PHC3: variants seen among roughly 807,000 people sequenced by gnomAD.
PHC3 encodes polyhomeotic-like protein 3.
A neutral mutation model predicts 107.4 loss-of-function variants in PHC3; 13 were observed. The observed-to-expected ratio is 0.12, with a 90% CI of 0.08 to 0.19. The LOEUF (loss-of-function observed/expected upper bound fraction) is 0.19. Among genes scored for constraint, PHC3 ranks in the 10% least tolerant of loss-of-function variants. The pLI is 1.00. For synonymous variants in PHC3, 456 were observed against 427.4 expected (o/e 1.07, Z -0.83); for missense variants, 992 against 1,210.9 (o/e 0.82, Z 2.68).
chr3:170,114,156 T>G (rs544150459), intron 10 of PHC3, among the ~76,000 whole-genome samples: 1 of 152,268 alleles, frequency 6.6e-6, no homozygotes, highest in African/African-American at 2.4e-5. Flanking sequence ...ATTACGGGCA[T>G]GTGCCACCGC....
rs534311753 is a variant in PHC3 at position 170,099,295 on chromosome 3, C to CACTA, written c.2834-1912_2834-1911insTAGT. ...GAACAAAAAGTGTTTTGGGAATTAG[C>CACTA]ACGATCAAATAGGAATGCATTTTAG... On this transcript the variant is annotated intron_variant, in intron 14 of 14. Coordinates refer to ENST00000495893, the MANE Select transcript of PHC3 (RefSeq NM_024947.4). Among the ~76,000 whole-genome samples, 34 of 152,120 alleles carry CACTA rather than the reference C, an allele frequency of 2.2e-4. No homozygotes were observed. In the South Asian group the frequency reaches 6.6e-3, roughly 30 times the overall value.
rs558996794 is a variant in PHC3 at position 170,112,397 on chromosome 3, T to A, written c.2353+963A>T. 9.0e-4 allele frequency among the ~76,000 whole-genome samples: 132 copies of A among 147,110 alleles called. 1 individual carries two copies. The highest frequency in any genetic ancestry group is 1.7e-3 in the African/African-American group (66 of 39,814). On this transcript the variant is annotated intron_variant, in intron 11 of 14. Transcript: ENST00000495893. ...AGCTAATTTATATATATATATATAT[T>A]TTTTTTTAGTAGAGATGGGGTTTCA...
chr3:170,164,683 T>C (rs1392540190), intron 4 of PHC3, among the ~76,000 whole-genome samples: 2 of 152,164 alleles, frequency 1.3e-5, no homozygotes, highest in Admixed American at 1.3e-4. Flanking sequence ...TAATGAATTC[T>C]CTGGATTTTC....
At chr3:170,139,188 T>G (rs1463517659) in intron 6 of PHC3, among the ~76,000 whole-genome samples, 1 of 152,200 alleles carries the variant, frequency 6.6e-6, no homozygotes, top group Non-Finnish European at 1.5e-5. Flanking sequence ...TTCATTTTTA[T>G]ACTCCCTGCA....
chr3:170,106,560 T>C (rs1716561728), intron 12 of PHC3, among the ~76,000 whole-genome samples: 1 of 152,150 alleles, frequency 6.6e-6, no homozygotes, highest in African/African-American at 2.4e-5. Context: ...CATCAGGAGA[T>C]TACTACTTTA....
chr3:170,169,254 T>A (rs993493407), intron 4 of PHC3, among the ~76,000 whole-genome samples: 2 of 152,124 alleles, frequency 1.3e-5, no homozygotes, highest in African/African-American at 4.8e-5. Flanking sequence ...CTGACAGCTG[T>A]TTTTTCTTCT....
Position 170,097,536 on chromosome 3 carries a change from C to T in PHC3, c.2834-152G>A, listed in dbSNP as rs1319411064. Among the ~76,000 whole-genome samples, 1 of 152,160 alleles carries T rather than the reference C, an allele frequency of 6.6e-6. No homozygotes were observed. Among genetic ancestry groups the T allele is most frequent in the Non-Finnish European group, 1.5e-5 (1 of 68,036 alleles). ...TTTATTTATGGTAGTCTTGAGTTCA[C>T]TCTTGAAGAATAGAGTATTTGCATT... On this transcript the variant is annotated intron_variant, in intron 14 of 14. Coordinates refer to ENST00000495893, the MANE Select transcript of PHC3 (RefSeq NM_024947.4). The surrounding 1 kb of genome is among the most constrained non-coding windows in gnomAD (Gnocchi z 4.1).
intron 14 of PHC3, 75 bp downstream of exon 14, chr3:170,102,404 G>T: frequency 6.5e-7 from 1 of 1,545,582 alleles, no homozygotes; most frequent in Non-Finnish European, 8.7e-7. Flanking sequence ...TTGTGCAAAA[G>T]GTGTGGATGT....
At chr3:170,146,877 C>CTTTTT (rs1035803336) in intron 5 of PHC3, among the ~76,000 whole-genome samples, 8 of 98,000 alleles carry the variant, frequency 8.2e-5, no homozygotes, top group African/African-American at 1.2e-4. Context: ...TCTATTTTTT[C>CTTTTT]TTTTTTTTTT....
chr3:170,175,459 G>T (rs1730276425), intron 2 of PHC3, among the ~76,000 whole-genome samples: 2 of 151,874 alleles, frequency 1.3e-5, no homozygotes, highest in African/African-American at 4.8e-5. Context: ...GCGACATAGT[G>T]AGATCCTGTC....
Position 170,138,340 on chromosome 3 carries a change from T to C in PHC3, c.673-1675A>G, listed in dbSNP as rs555991838. ...TCTCTGATTTTTCTCAAATATTTCA[T>C]ACCAATGTAAACATAAATGGACTAA... is the stretch of plus-strand genomic sequence containing the variant. On this transcript the variant is annotated intron_variant, in intron 6 of 14. Transcript: ENST00000495893. Among the ~76,000 whole-genome samples, 39 of 152,330 alleles carry C rather than the reference T, an allele frequency of 2.6e-4. No homozygotes were observed. In the South Asian group the frequency reaches 7.5e-3, roughly 29 times the overall value.
At chr3:170,100,493 CCATTT>C in intron 14 of PHC3, among the ~76,000 whole-genome samples, 1 of 152,166 alleles carries the variant, frequency 6.6e-6, no homozygotes, top group Non-Finnish European at 1.5e-5. Context: ...GGAAACACTC[CCATTT>C]CATAAGTAAA....
intron 9 of PHC3, 34 bp downstream of exon 9, chr3:170,122,557 A>G (rs746591960): frequency 1.7e-5 from 28 of 1,604,110 alleles, no homozygotes; most frequent in East Asian, 2.2e-5. Flanking sequence ...TTTATCAAAT[A>G]GAAAAATTCC....
In PHC3 at chr3:170,129,084, T is replaced by C. The variant is rs778942133; in HGVS notation, c.1388A>G (p.Asn463Ser). ...ANQVQATAQLNLPSHLPLPAS... is the reference protein window; with the variant it reads ...ANQVQATAQLSLPSHLPLPAS... ...TGGAAGTGGAAGATGGGATGGAAGA[T>C]TCAACTGTGCTGTAGCTTGCACCTG... The change falls in exon 8 of 15, where the codon AAT becomes AGT. Residue 463 changes from asparagine to serine, a missense_variant. Transcript: ENST00000495893. 1.9e-6 allele frequency: 3 copies of C among 1,611,890 alleles called. No individual in the cohort carries two copies. The highest frequency in any genetic ancestry group is 2.2e-5 in the East Asian group (1 of 44,800).
At chr3:170,173,085 G>T (rs576804761) in intron 2 of PHC3, among the ~76,000 whole-genome samples, 2 of 151,930 alleles carry the variant, frequency 1.3e-5, no homozygotes, top group African/African-American at 4.8e-5. Flanking sequence ...CCAGCTACTC[G>T]GGAGGCTGAG....
chr3:170,101,127 T>G (rs975569079), intron 14 of PHC3, among the ~76,000 whole-genome samples: 2 of 152,224 alleles, frequency 1.3e-5, no homozygotes, highest in Non-Finnish European at 2.9e-5. Context: ...TTAAAACAGA[T>G]TCTAAATCCA....
chr3:170,102,541 G>A lies in PHC3; in HGVS notation c.2771C>T (p.Ala924Val). Residue 924 changes from alanine (A) to valine (V), a missense_variant, in exon 14 of 15, where the codon GCA becomes GTA. Ala to Val is a moderately conservative substitution (Grantham distance 64, BLOSUM62 0). This residue lies in a region of PHC3 where 228 missense variants were observed against 288.8 expected (regional missense o/e 0.79). Coordinates refer to ENST00000495893, the MANE Select transcript of PHC3 (RefSeq NM_024947.4). Reference sequence around the variant, plus strand: ...TGTCCATATAGATGGCTCTGTTTGTGCAACTGGTAGCAAGTCACTGTTCTC... The same window carrying A: ...TGTCCATATAGATGGCTCTGTTTGTACAACTGGTAGCAAGTCACTGTTCTC... ...MPENSDLLPVAQTEPSIWTVD... is the reference protein window; with the variant it reads ...MPENSDLLPVVQTEPSIWTVD... The A allele has an allele frequency of 6.2e-7, 1 of 1,613,816 alleles. No homozygotes were observed. Among genetic ancestry groups the A allele is most frequent in the Non-Finnish European group, 8.5e-7 (1 of 1,179,826 alleles).
At chr3:170,157,126 T>C (rs1727022671) in intron 4 of PHC3, among the ~76,000 whole-genome samples, 2 of 152,322 alleles carry the variant, frequency 1.3e-5, no homozygotes, top group South Asian at 4.1e-4. Context: ...GCGATGGTTA[T>C]ATAAAATAAA....
intron 3 of PHC3, among the ~76,000 whole-genome samples, chr3:170,171,893 T>C (rs766713628): frequency 6.6e-6 from 1 of 152,202 alleles, no homozygotes; most frequent in Non-Finnish European, 1.5e-5. Flanking sequence ...TCAGGTTCAG[T>C]CAATTGAGAT....
Sources: allele counts gnomAD v4.1 joint callset (sites outside exome capture counted in the v4.1 genomes callset), GRCh38; gene constraint gnomAD v4.1.1; regional missense constraint gnomAD v4.1.1; non-coding constraint Gnocchi (gnomAD v3.1); transcripts MANE v1.5; gene names NCBI Gene and HGNC (gene_info 2026-07-23, HGNC 2026-07-21).